CAPN3: variants seen among roughly 807,000 people sequenced by gnomAD.
The protein encoded by CAPN3 is calpain-3.
In CAPN3, 88 loss-of-function variants were observed where a neutral mutation model predicts 114.0. The ratio of observed to expected loss-of-function variants is 0.77; its 90% CI spans 0.65 to 0.92. The LOEUF (loss-of-function observed/expected upper bound fraction) is 0.92, where lower values mean the gene tolerates loss of function less well. Ranked by LOEUF, CAPN3 falls within the 40% of genes least tolerant of loss-of-function variation. CAPN3 has a pLI of 0.00. For synonymous variants in CAPN3, 386 were observed against 382.9 expected (o/e 1.01, Z -0.09); for missense variants, 1,028 against 1,069.0 (o/e 0.96, Z 0.53).
rs185576281 is a variant in CAPN3 at position 42,373,490 on chromosome 15, G to T, written c.310-10993G>T. Among the ~76,000 whole-genome samples, 309 of 152,346 alleles carry T rather than the reference G, an allele frequency of 2.0e-3. 1 individual carries two copies. The highest frequency in any genetic ancestry group is 6.9e-3 in the African/African-American group (288 of 41,576). ...CTGCCAGGCCTGAGTTTCCTCCCAT[G>T]TCAGCTCCCTGCTCTTACATTAGAG... is the stretch of plus-strand genomic sequence containing the variant. On this transcript the variant is annotated intron_variant, in intron 1 of 23. Coordinates refer to ENST00000397163, the MANE Select transcript of CAPN3 (RefSeq NM_000070.3).
intron 1 of CAPN3, among the ~76,000 whole-genome samples, chr15:42,370,247 T>G (rs1477196379): frequency 1.3e-5 from 2 of 152,194 alleles, no homozygotes; most frequent in Non-Finnish European, 2.9e-5. Flanking sequence ...CTCTTCCATG[T>G]GCCCCACTGC....
At chr15:42,365,526 C>G (rs2141114374) in intron 1 of CAPN3, among the ~76,000 whole-genome samples, 1 of 152,252 alleles carries the variant, frequency 6.6e-6, no homozygotes, top group South Asian at 2.1e-4. Context: ...ACTCCAGATC[C>G]AGTGCCTTCT....
At chr15:42,400,375 T>C (rs914348493) in intron 10 of CAPN3, among the ~76,000 whole-genome samples, 1 of 151,994 alleles carries the variant, frequency 6.6e-6, no homozygotes, top group African/African-American at 2.4e-5. Flanking sequence ...TTGGGTGATG[T>C]AGGGAAGGAA....
chr15:42,368,216 G>A (rs1028602525), intron 1 of CAPN3, among the ~76,000 whole-genome samples: 12 of 152,224 alleles, frequency 7.9e-5, no homozygotes, highest in African/African-American at 2.7e-4. Context: ...CCACATGCCT[G>A]TTCCCAGCTC....
chr15:42,360,658 G>A (rs372129331), intron 1 of CAPN3, among the ~76,000 whole-genome samples: 120 of 152,298 alleles, frequency 7.9e-4, no homozygotes, highest in African/African-American at 2.7e-3. Flanking sequence ...TGGGGTTAAA[G>A]AGAGAGAGAC....
intron 1 of CAPN3, among the ~76,000 whole-genome samples, chr15:42,381,136 A>G (rs2053240817): frequency 6.6e-6 from 1 of 152,066 alleles, no homozygotes; most frequent in African/African-American, 2.4e-5. Context: ...TGTTTTTATT[A>G]TGATTTAACT....
At chr15:42,411,070 A>C in intron 22 of CAPN3, 70 bp downstream of exon 22, 1 of 1,264,038 alleles carries the variant, frequency 7.9e-7, no homozygotes, top group South Asian at 1.2e-5. Context: ...ATCTCACCTG[A>C]TAATCTCCAG....
Position 42,392,684 on chromosome 15 carries a change from G to A in CAPN3, c.991G>A (p.Val331Ile). The change falls in exon 7 of 24, where the codon GTC becomes ATC. Residue 331 changes from valine to isoleucine, a missense_variant. Physicochemically the swap from Val to Ile is conservative, Grantham distance 29 (BLOSUM62 3). Coordinates refer to ENST00000397163, the MANE Select transcript of CAPN3 (RefSeq NM_000070.3). ...TGAGACAAGAATGGCCTGCGGGCTG[G>A]TCAGAGGTCACGCCTACTCTGTCAC... ...QYETRMACGL[V>I]RGHAYSVTGL... is the part of the protein sequence containing the mutation. 6.2e-7 allele frequency: 1 copy of A among 1,614,072 alleles called. No homozygotes were observed.
At chr15:42,400,988 G>A (rs2053846539) in intron 10 of CAPN3, among the ~76,000 whole-genome samples, 1 of 152,176 alleles carries the variant, frequency 6.6e-6, no homozygotes, top group South Asian at 2.1e-4. Flanking sequence ...GTGGTCAGGA[G>A]TTCGAGACCA....
chr15:42,404,000 A>T, intron 14 of CAPN3: 1 of 649,416 alleles, frequency 1.5e-6, no homozygotes, highest in Non-Finnish European at 2.9e-6. Flanking sequence ...GCTGGGAAAT[A>T]TGGAAGAGGG....
At chr15:42,380,751 A>ATATATATTTTTTTT (rs1436943739) in intron 1 of CAPN3, among the ~76,000 whole-genome samples, 4 of 64,458 alleles carry the variant, frequency 6.2e-5, no homozygotes, top group African/African-American at 3.6e-4. Context: ...ATATATATAT[A>ATATATATTTTTTTT]TTTTTTTTTT....
intron 1 of CAPN3, among the ~76,000 whole-genome samples, chr15:42,360,452 G>A (rs1351176303): frequency 6.6e-6 from 1 of 151,826 alleles, no homozygotes; most frequent in Non-Finnish European, 1.5e-5. Context: ...TCCTTTCTCA[G>A]AACAAATTCC....
In CAPN3 at chr15:42,408,261, G is replaced by A; in HGVS notation, c.1851G>A (p.Val617=). 6.2e-7 allele frequency: 1 copy of A among 1,613,914 alleles called. No individual in the cohort carries two copies. Among genetic ancestry groups the A allele is most frequent in the East Asian group, 2.2e-5 (1 of 44,872 alleles). ...CAAACAGCAACAAGGAGCTGGGTGT[G>A]GACCAGGAGTCAGAGGAGGGCAAAG... ...DRANSNKELG[V]DQESEEGKGK... Residue 617 remains valine, a synonymous_variant, in exon 16 of 24, where the codon GTG becomes GTA. Transcript: ENST00000397163.
chr15:42,398,176 GAT>G, intron 9 of CAPN3, among the ~76,000 whole-genome samples: 1 of 151,450 alleles, frequency 6.6e-6, no homozygotes, highest in African/African-American at 2.4e-5. Context: ...ATGATATTTT[GAT>G]ACACATATAC....
chr15:42,410,357 C>G, intron 19 of CAPN3, 71 bp from the exon 20 acceptor site: 1 of 1,392,072 alleles, frequency 7.2e-7, no homozygotes, highest in Non-Finnish European at 1.0e-6. Context: ...AGCCCGGAGT[C>G]TCCTAGACCC....
chr15:42,399,672 G>T lies in CAPN3; in HGVS notation c.1354+20G>T. 2 of 1,582,580 alleles carry T rather than the reference G, an allele frequency of 1.3e-6. No individual in the cohort carries two copies. The highest frequency in any genetic ancestry group is 2.3e-5 in the East Asian group (1 of 43,858). On this transcript the variant is annotated intron_variant, in intron 10 of 23. Coordinates refer to ENST00000397163, the MANE Select transcript of CAPN3 (RefSeq NM_000070.3). ...TCCCAGGTGGGAGATGCTCTTGATG[G>T]GGGGAGGGTCTAAGCCGAAAAAGTT...
rs1457098622 is a variant in CAPN3, at chr15:42,410,950, T to C, written c.2330T>C (p.Ile777Thr). ...CGGTACGCAGACAAACACATGAACA[T>C]CGACTTTGACAGTTTCATCTGCTGC... is the stretch of plus-strand genomic sequence containing the variant. ...TMRYADKHMNIDFDSFICCFV... is the reference protein window; with the variant it reads ...TMRYADKHMNTDFDSFICCFV... Residue 777 changes from isoleucine (I) to threonine (T), a missense_variant, in exon 22 of 24, where the codon ATC becomes ACC. By Grantham distance (89) the Ile-to-Thr change is moderately conservative. Coordinates refer to ENST00000397163, the MANE Select transcript of CAPN3 (RefSeq NM_000070.3). 1.2e-6 allele frequency: 2 copies of C among 1,614,142 alleles called. No individual in the cohort carries two copies. The highest frequency in any genetic ancestry group is 1.1e-5 in the South Asian group (1 of 91,086).
At chr15:42,373,348 C>T (rs576033351) in intron 1 of CAPN3, among the ~76,000 whole-genome samples, 26 of 152,156 alleles carry the variant, frequency 1.7e-4, no homozygotes, top group Non-Finnish European at 3.2e-4. Context: ...AACTGGCAGA[C>T]CAGATGATTC....
intron 1 of CAPN3, among the ~76,000 whole-genome samples, chr15:42,370,883 A>ACATCAGAGCACATAACATCAGAG (rs2052925924): frequency 7.3e-6 from 1 of 137,504 alleles, no homozygotes; most frequent in Non-Finnish European, 1.5e-5. Flanking sequence ...TGACTTCATA[A>ACATCAGAGCACATAACATCAGAG]CATCAGAGCA....
Sources: allele counts gnomAD v4.1 joint callset (sites outside exome capture counted in the v4.1 genomes callset), GRCh38; gene constraint gnomAD v4.1.1; transcripts MANE v1.5; gene names NCBI Gene and HGNC (gene_info 2026-07-23, HGNC 2026-07-21).